The following BLOC1S5 variants were observed in gnomAD, a reference collection of about 807,000 sequenced individuals.
BLOC1S5 encodes biogenesis of lysosomal organelles complex 1 subunit 5.
Under a neutral mutation model 24.3 loss-of-function variants are expected in BLOC1S5, and 27 were observed. That is an observed-to-expected ratio of 1.11 (90% confidence interval 0.82 to 1.53). The LOEUF (loss-of-function observed/expected upper bound fraction) is 1.53. Among genes scored for constraint, BLOC1S5 ranks in the 40% most tolerant of loss-of-function variants. The pLI, the probability that BLOC1S5 is intolerant of heterozygous loss-of-function variation, is 0.00. For synonymous variants in BLOC1S5, 84 were observed against 74.5 expected, an observed-to-expected ratio of 1.13 and a Z score of -0.66; for missense variants, 239 against 229.4, an observed-to-expected ratio of 1.04 and a Z score of -0.27.
At chr6:8,058,203 C>T (rs537420503) in intron 2 of BLOC1S5, among the ~76,000 whole-genome samples, 2 of 151,912 alleles carry the variant, frequency 1.3e-5, no homozygotes, top group Admixed American at 1.3e-4. Context: ...ATGAAATGCA[C>T]ATGTAATGGC....
chr6:8,017,924 G>A (rs1224693358), intron 4 of BLOC1S5: 6 of 152,130 alleles, frequency 3.9e-5, no homozygotes, highest in Admixed American at 1.3e-4. Context: ...CAAGACAAAC[G>A]GTCTTCTGAG....
At chr6:8,030,964 T>C (rs1763276832) in intron 3 of BLOC1S5, among the ~76,000 whole-genome samples, 1 of 151,458 alleles carries the variant, frequency 6.6e-6, no homozygotes, top group Non-Finnish European at 1.5e-5. Context: ...AAAACCGGTA[T>C]AGAAGGGACA....
intron 3 of BLOC1S5, among the ~76,000 whole-genome samples, chr6:8,026,690 G>GAT (rs1763117891): frequency 6.6e-6 from 1 of 152,132 alleles, no homozygotes; most frequent in Non-Finnish European, 1.5e-5. Flanking sequence ...TAACTCCAAT[G>GAT]ACAGATTGTC....
chr6:8,041,042 C>G (rs1763660806), intron 3 of BLOC1S5, 97 bp downstream of exon 3: 1 of 1,371,006 alleles, frequency 7.3e-7, no homozygotes, highest in Admixed American at 2.3e-5. Context: ...GAGCTTCCCT[C>G]TCCCTCTCCA....
At chr6:8,034,956 T>TAC (rs367754967) in intron 3 of BLOC1S5, among the ~76,000 whole-genome samples, 6,004 of 150,208 alleles carry the variant, frequency 0.04, 365 homozygotes, top group African/African-American at 0.13. Context: ...CACATATGCA[T>TAC]ACACACACAC....
chr6:8,047,387 TTA>T (rs1021418080), intron 2 of BLOC1S5, among the ~76,000 whole-genome samples: 2 of 152,060 alleles, frequency 1.3e-5, no homozygotes, highest in African/African-American at 2.4e-5. Flanking sequence ...TTTGTATTTT[TTA>T]TAGAGACAGG....
chr6:8,017,088 TC>T (rs1281480732), intron 4 of BLOC1S5, among the ~76,000 whole-genome samples: 3 of 151,866 alleles, frequency 2.0e-5, no homozygotes, highest in Admixed American at 6.6e-5. Context: ...TTTAGTTTTC[TC>T]CCCCCTTCCA....
At chr6:8,057,075 T>C (rs1764335670) in intron 2 of BLOC1S5, among the ~76,000 whole-genome samples, 5 of 151,954 alleles carry the variant, frequency 3.3e-5, no homozygotes, top group Non-Finnish European at 7.4e-5. Context: ...CAAAATTAGC[T>C]GGACATGGTG....
At position 8,028,782 on chromosome 6, in the gene BLOC1S5, T is replaced by C. The variant is rs534494975; in HGVS notation, c.326-2357A>G. Among the ~76,000 whole-genome samples the C allele has an allele frequency of 7.2e-5, 11 of 152,056 alleles. No homozygotes were observed. In the South Asian group the frequency reaches 1.9e-3, roughly 26 times the overall value. On this transcript the variant is annotated intron_variant, in intron 3 of 4. Transcript: ENST00000397457. Reference sequence around the variant, plus strand: ...GGTTTACTTTCTGAATTTATGAAATTTGCTTTTCTAAAGTCAAAGACAATC... The same window carrying C: ...GGTTTACTTTCTGAATTTATGAAATCTGCTTTTCTAAAGTCAAAGACAATC...
intron 2 of BLOC1S5, among the ~76,000 whole-genome samples, chr6:8,059,980 TA>T (rs1764459509): frequency 6.6e-6 from 1 of 152,252 alleles, no homozygotes; most frequent in African/African-American, 2.4e-5. Flanking sequence ...ATGCCTCACA[TA>T]AAATAAGTGC....
At position 8,015,838 on chromosome 6, in the gene BLOC1S5, G is replaced by C; in HGVS notation, c.385-10C>G. 6.3e-7 allele frequency: 1 copy of C among 1,588,654 alleles called. No homozygotes were observed. Among genetic ancestry groups the C allele is most frequent in the Non-Finnish European group, 8.5e-7 (1 of 1,170,230 alleles). ...AGTGGTCACTATGAATCTGAGAAAA[G>C]AAAATTAGAAAGTCACACGACATTT... On this transcript the variant is annotated splice_polypyrimidine_tract_variant and intron_variant, in intron 4 of 4. Coordinates refer to ENST00000397457, the MANE Select transcript of BLOC1S5 (RefSeq NM_201280.3).
rs1020295752 is a variant in BLOC1S5, at chr6:8,014,729, T to C, written c.*920A>G. The C allele has an allele frequency of 8.5e-5, 13 of 152,248 alleles. No homozygotes were observed. The highest frequency in any genetic ancestry group is 8.5e-4 in the Admixed American group (13 of 15,284). 9.4% of individuals were successfully genotyped at this position (152,248 alleles called of 1,614,324 possible). A position where few individuals can be genotyped will look rare whatever the true frequency, so the allele number is the denominator to read the frequency against. On this transcript the variant is annotated 3_prime_UTR_variant, in exon 5 of 5. Transcript: ENST00000397457. ...CATTTGCTGTGTGGGCAAACACTTC[T>C]GGTTCATTCAAAGCCAGGAACTTTA...
rs1421809274 is a variant in BLOC1S5 at position 8,028,639 on chromosome 6, A to G, written c.326-2214T>C. ...AAATTCTAATCAGAACACATCTGACAAAGGTGCACTTTTGTTCCTCATCAG... is the reference window on the plus strand; with the variant it reads ...AAATTCTAATCAGAACACATCTGACGAAGGTGCACTTTTGTTCCTCATCAG... On this transcript the variant is annotated intron_variant, in intron 3 of 4. Coordinates refer to ENST00000397457, the MANE Select transcript of BLOC1S5 (RefSeq NM_201280.3). 3.9e-5 allele frequency among the ~76,000 whole-genome samples: 6 copies of G among 151,970 alleles called. No individual in the cohort carries two copies. In the East Asian group the frequency reaches 9.6e-4, roughly 24 times the overall value.
chr6:8,022,161 G>A lies in BLOC1S5; in HGVS notation c.384+4206C>T, dbSNP rs185837558. 6.5e-4 allele frequency among the ~76,000 whole-genome samples: 98 copies of A among 151,118 alleles called. No individual in the cohort carries two copies. The East Asian group carries it at 0.018, about 27-fold the overall frequency. ...CTAAGTCAGTGATTTTCAATGGGGG[G>A]CAGGGGAGGGCATTTTACACCCCTC... On this transcript the variant is annotated intron_variant, in intron 4 of 4. Coordinates refer to ENST00000397457, the MANE Select transcript of BLOC1S5 (RefSeq NM_201280.3).
At chr6:8,055,334 C>A (rs950251867) in intron 2 of BLOC1S5, among the ~76,000 whole-genome samples, 5 of 152,126 alleles carry the variant, frequency 3.3e-5, no homozygotes, top group Non-Finnish European at 7.4e-5. Context: ...ACTTGGGAGG[C>A]TGAAGCAGGA....
intron 2 of BLOC1S5, among the ~76,000 whole-genome samples, chr6:8,055,887 G>C (rs1405771551): frequency 2.0e-5 from 3 of 152,180 alleles, no homozygotes; most frequent in South Asian, 2.1e-4. Flanking sequence ...CCCCAAAACT[G>C]TGTGCTGGAA....
At chr6:8,063,639 AAGC>A (rs1177937788) in intron 1 of BLOC1S5, among the ~76,000 whole-genome samples, 1 of 152,186 alleles carries the variant, frequency 6.6e-6, no homozygotes, top group African/African-American at 2.4e-5. Flanking sequence ...GGTATATATA[AAGC>A]ACTACAACTC....
intron 4 of BLOC1S5, among the ~76,000 whole-genome samples, chr6:8,020,924 A>C (rs1187672778): frequency 2.0e-5 from 3 of 152,262 alleles, no homozygotes; most frequent in African/African-American, 7.2e-5. Context: ...AATTAAAAGT[A>C]GGAACCTGAA....
intron 4 of BLOC1S5, among the ~76,000 whole-genome samples, chr6:8,019,147 A>G (rs1192890536): frequency 6.6e-6 from 1 of 152,252 alleles, no homozygotes; most frequent in Non-Finnish European, 1.5e-5. Context: ...AAGCTAAAAG[A>G]TGACAACTTC....
Sources: gnomAD v4.1 joint callset for allele counts (sites outside exome capture counted in the v4.1 genomes callset) on GRCh38, gnomAD v4.1.1 for gene constraint, MANE v1.5 for transcripts, NCBI Gene and HGNC (gene_info 2026-07-23, HGNC 2026-07-21) for gene names.